IL17RB: variants seen among roughly 807,000 people sequenced by gnomAD.
The protein encoded by IL17RB is interleukin-17 receptor B.
Under a neutral mutation model 43.9 loss-of-function variants are expected in IL17RB, and 36 were observed. That is an observed-to-expected ratio of 0.82 (90% CI 0.63 to 1.08). The LOEUF is 1.08. Ranked by LOEUF, IL17RB falls within the 50% of genes least tolerant of loss-of-function variation. The pLI is 0.00. For synonymous variants in IL17RB, 225 were observed against 225.4 expected, an observed-to-expected ratio of 1.00 and a Z score of 0.02; for missense variants, 613 against 613.6, an observed-to-expected ratio of 1.00 and a Z score of 0.01.
intron 9 of IL17RB, 78 bp downstream of exon 9, chr3:53,858,896 G>T: frequency 8.3e-7 from 1 of 1,201,270 alleles, no homozygotes; most frequent in South Asian, 1.3e-5. Context: ...TATGTGGAAG[G>T]GTTGTGTGTA....
At chr3:53,853,778 G>A (rs1275167573) in intron 5 of IL17RB, among the ~76,000 whole-genome samples, 1 of 152,052 alleles carries the variant, frequency 6.6e-6, no homozygotes, top group Non-Finnish European at 1.5e-5. Context: ...TGTGGTCCAG[G>A]GTGTTTTTGG....
In IL17RB at chr3:53,849,790, C is replaced by A. The variant is rs771824553; in HGVS notation, c.221C>A (p.Ala74Glu). 4 of 1,598,952 alleles carry A rather than the reference C, an allele frequency of 2.5e-6. No individual in the cohort carries two copies. The highest frequency in any genetic ancestry group is 1.3e-5 in the African/African-American group (1 of 74,632). The change falls in exon 3 of 11, where the codon GCA becomes GAA. Residue 74 changes from alanine to glutamate, a missense_variant. Transcript: ENST00000288167. ...ILMNVSWVLR[A>E]DASIRLLKAT... ...ATGAATGTAAGCTGGGTACTCCGGG[C>A]AGATGGTAAGTTTGCATCCATCAGA...
intron 7 of IL17RB, among the ~76,000 whole-genome samples, chr3:53,857,255 TC>T (rs1699371621): frequency 6.6e-6 from 1 of 152,154 alleles, no homozygotes; most frequent in Non-Finnish European, 1.5e-5. Context: ...GCTGGAAGCC[TC>T]GAAATCTGCT....
At chr3:53,848,017 T>C (rs1383342832) in intron 1 of IL17RB, among the ~76,000 whole-genome samples, 1 of 152,196 alleles carries the variant, frequency 6.6e-6, no homozygotes, top group Non-Finnish European at 1.5e-5. Context: ...GCCCCAATAT[T>C]TTAGGTTCAG....
intron 1 of IL17RB, among the ~76,000 whole-genome samples, chr3:53,847,803 G>GAAA (rs11427758): frequency 6.6e-6 from 1 of 151,166 alleles, no homozygotes. Flanking sequence ...TCAGAAAAAG[G>GAAA]AAAAAAAAAT....
intron 1 of IL17RB, 57 bp from the exon 2 acceptor site, chr3:53,848,607 A>G: frequency 6.3e-7 from 1 of 1,578,372 alleles, no homozygotes; most frequent in African/African-American, 1.4e-5. Context: ...AATTTGGCAA[A>G]GGAAAGCTTG....
intron 1 of IL17RB, 142 bp downstream of exon 1, chr3:53,846,790 C>A (rs1698919526): frequency 2.4e-6 from 2 of 834,212 alleles, no homozygotes; most frequent in Admixed American, 3.2e-5. Context: ...CTCAGGGCAG[C>A]CCCGGACATC....
intron 10 of IL17RB, among the ~76,000 whole-genome samples, chr3:53,863,466 T>C (rs1299444179): frequency 1.3e-5 from 2 of 152,220 alleles, no homozygotes; most frequent in South Asian, 4.1e-4. Flanking sequence ...ATTTGTGATG[T>C]TGTAAATAAA....
chr3:53,849,957 C>T (rs1252702979), intron 3 of IL17RB, among the ~76,000 whole-genome samples, 162 bp downstream of exon 3: 2 of 152,214 alleles, frequency 1.3e-5, no homozygotes, highest in Non-Finnish European at 2.9e-5. Flanking sequence ...GCACTACTTA[C>T]AACAGGCAAC....
chr3:53,852,197 A>G, intron 4 of IL17RB, 71 bp downstream of exon 4: 4 of 1,410,130 alleles, frequency 2.8e-6, no homozygotes, highest in Non-Finnish European at 4.0e-6. Flanking sequence ...GCTGGAGTGC[A>G]GTGGTGCGAT....
chr3:53,862,520 T>C (rs953018719), intron 10 of IL17RB, among the ~76,000 whole-genome samples: 3 of 152,106 alleles, frequency 2.0e-5, no homozygotes, highest in South Asian at 4.1e-4. Context: ...AGGAAAGAGA[T>C]TGTAGATGTG....
At position 53,852,060 on chromosome 3, in the gene IL17RB, C is replaced by G. The variant is rs1044702161; in HGVS notation, c.288C>G (p.Ser96=). Residue 96 remains serine, a synonymous_variant, in exon 4 of 11, where the codon TCC becomes TCG. Transcript: ENST00000288167. ...TGACGGGCAAAAGCAACTTCCAGTC[C>G]TACAGCTGTGTGAGGTGCAATTACA... ...ICVTGKSNFQ[S]YSCVRCNYTE... The G allele has an allele frequency of 2.5e-6, 4 of 1,614,044 alleles. No homozygotes were observed. In the African/African-American group the frequency reaches 5.3e-5, roughly 22 times the overall value.
chr3:53,853,889 A>ATTAT lies in IL17RB; in HGVS notation c.481+911_481+914dup, dbSNP rs538582879. Among the ~76,000 whole-genome samples, 164 of 151,732 alleles carry ATTAT rather than the reference A, an allele frequency of 1.1e-3. 1 individual carries two copies. In the South Asian group the frequency reaches 0.028, roughly 26 times the overall value. ...TTTTATTTTGGAATTCTTTTATTTT[A>ATTAT]TTATTTATTTATTTATTTATTTTTT... On this transcript the variant is annotated intron_variant, in intron 5 of 10. Transcript: ENST00000288167.
chr3:53,861,392 T>C (rs545085722), intron 10 of IL17RB: 1 of 152,146 alleles, frequency 6.6e-6, no homozygotes, highest in South Asian at 2.1e-4. Flanking sequence ...TCAAGATAAA[T>C]GAATCCAGCG....
chr3:53,860,346 T>G, intron 10 of IL17RB, 118 bp downstream of exon 10: 1 of 719,000 alleles, frequency 1.4e-6, no homozygotes, highest in East Asian at 2.6e-5. Context: ...TTAGATAGCA[T>G]TTATGTAATA....
At position 53,865,408 on chromosome 3, in the gene IL17RB, C is replaced by G; in HGVS notation, c.*100C>G. On this transcript the variant is annotated 3_prime_UTR_variant, in exon 11 of 11. Coordinates refer to ENST00000288167, the MANE Select transcript of IL17RB (RefSeq NM_018725.4). ...TGAAGCTTACTATGCAGCCTACAAA[C>G]AGCCTTAGTAATTAAAACATTTTAT... 2.3e-6 allele frequency: 2 copies of G among 885,510 alleles called. No homozygotes were observed. Among genetic ancestry groups the G allele is most frequent in the South Asian group, 3.8e-5 (2 of 52,736 alleles). 54.9% of individuals were successfully genotyped at this position (885,510 alleles called of 1,614,324 possible).
chr3:53,851,944 G>C, intron 3 of IL17RB, 55 bp from the exon 4 acceptor site: 1 of 1,605,618 alleles, frequency 6.2e-7, no homozygotes, highest in Middle Eastern at 1.7e-4. Context: ...CTAGCATCAA[G>C]TCAGCCACAC....
At position 53,865,472 on chromosome 3, in the gene IL17RB, TTAAC is replaced by T. The variant is rs1452652759; in HGVS notation, c.*169_*172del. The T allele has an allele frequency of 1.8e-6, 1 of 556,902 alleles. No individual in the cohort carries two copies. Among genetic ancestry groups the T allele is most frequent in the Non-Finnish European group, 3.1e-6 (1 of 321,952 alleles). The allele number at this position is 556,902 out of a possible 1,614,324, so 34.5% of individuals were successfully genotyped here. A position where few individuals can be genotyped will look rare whatever the true frequency, so the allele number is the denominator to read the frequency against. On this transcript the variant is annotated 3_prime_UTR_variant, in exon 11 of 11. Transcript: ENST00000288167. Reference sequence around the variant, plus strand: ...TCAAATATTGCTAACTAATGTAGCATTAACTAACGATTGGAAACTACATTTACAA... The same window carrying T: ...TCAAATATTGCTAACTAATGTAGCATTAACGATTGGAAACTACATTTACAA...
intron 3 of IL17RB, among the ~76,000 whole-genome samples, chr3:53,851,548 A>G (rs1450334509): frequency 6.6e-6 from 1 of 152,182 alleles, no homozygotes; most frequent in Non-Finnish European, 1.5e-5. Context: ...ATGGGAGGAA[A>G]GGACCTTCAG....
Sources: allele counts gnomAD v4.1 joint callset (sites outside exome capture counted in the v4.1 genomes callset), GRCh38; gene constraint gnomAD v4.1.1; transcripts MANE v1.5; gene names NCBI Gene and HGNC (gene_info 2026-07-23, HGNC 2026-07-21).